The following KPNA3 variants were observed in gnomAD, a reference collection of about 807,000 sequenced individuals.
KPNA3 encodes the protein karyopherin subunit alpha 3.
Under a neutral mutation model 73.8 loss-of-function variants are expected in KPNA3, and 13 were observed. The observed-to-expected ratio is 0.18, with a 90% CI of 0.11 to 0.28. The LOEUF (loss-of-function observed/expected upper bound fraction) is 0.28. Ranked by LOEUF, KPNA3 falls within the 10% of genes least tolerant of loss-of-function variation. The pLI is 1.00. For synonymous variants in KPNA3, 186 were observed against 206.9 expected, an observed-to-expected ratio of 0.90 and a Z score of 0.87; for missense variants, 360 against 618.1, an observed-to-expected ratio of 0.58 and a Z score of 4.43.
intron 2 of KPNA3, among the ~76,000 whole-genome samples, chr13:49,735,250 A>G (rs1165877659): frequency 6.6e-6 from 1 of 152,034 alleles, no homozygotes; most frequent in African/African-American, 2.4e-5. Flanking sequence ...AGCCTCCTGA[A>G]TAGCTGGGAT....
chr13:49,717,617 T>C (rs1566336501), intron 10 of KPNA3, among the ~76,000 whole-genome samples: 1 of 152,174 alleles, frequency 6.6e-6, no homozygotes, highest in Non-Finnish European at 1.5e-5. Context: ...ATCCTAGTTA[T>C]ATGACATGAG....
chr13:49,706,017 C>CGT lies in KPNA3; in HGVS notation c.1209+80_1209+81insAC, dbSNP rs1461483985. 3 of 1,263,028 alleles carry CGT rather than the reference C, an allele frequency of 2.4e-6. No individual in the cohort carries two copies. The African/African-American group carries it at 4.5e-5, about 19-fold the overall frequency. The allele number at this position is 1,263,028 out of a possible 1,614,324, so 78.2% of individuals were successfully genotyped here. ...TCTTTTCCCCAAAAAGAACACAATACAGTCAGCAACTACGAAACATAAGAG... is the reference window on the plus strand; with the variant it reads ...TCTTTTCCCCAAAAAGAACACAATACGTAGTCAGCAACTACGAAACATAAGAG... On this transcript the variant is annotated intron_variant, in intron 14 of 16. Coordinates refer to ENST00000261667, the MANE Select transcript of KPNA3 (RefSeq NM_002267.4).
intron 10 of KPNA3, among the ~76,000 whole-genome samples, chr13:49,718,031 ATG>A (rs1954321509): frequency 1.3e-5 from 2 of 152,042 alleles, no homozygotes; most frequent in Admixed American, 6.6e-5. Flanking sequence ...TATACTGAAT[ATG>A]TGATCATGGT....
At chr13:49,762,071 A>T (rs1160615665) in intron 1 of KPNA3, among the ~76,000 whole-genome samples, 1 of 145,906 alleles carries the variant, frequency 6.9e-6, no homozygotes, top group East Asian at 2.0e-4. Flanking sequence ...AGTCAGGAGC[A>T]TCTCCGCCCG....
chr13:49,742,088 C>G (rs978829203), intron 2 of KPNA3, among the ~76,000 whole-genome samples: 1 of 152,088 alleles, frequency 6.6e-6, no homozygotes, highest in African/African-American at 2.4e-5. Context: ...AAATAAGGGC[C>G]TGGTCTCATT....
At chr13:49,732,229 A>T (rs1335635953) in intron 6 of KPNA3, 142 bp downstream of exon 6, 8 of 444,668 alleles carry the variant, frequency 1.8e-5, no homozygotes, top group Non-Finnish European at 3.3e-5. Flanking sequence ...ATATGATCAC[A>T]GAATAAGAAA....
rs1464980395 is a variant in KPNA3 at position 49,700,047 on chromosome 13, A to T, written c.*1753T>A. The T allele has an allele frequency of 6.6e-6, 1 of 152,632 alleles. No individual in the cohort carries two copies. The highest frequency in any genetic ancestry group is 1.5e-5 in the Non-Finnish European group (1 of 68,036). The allele number at this position is 152,632 out of a possible 1,614,324, so 9.5% of individuals were successfully genotyped here. On this transcript the variant is annotated 3_prime_UTR_variant, in exon 17 of 17. Transcript: ENST00000261667. ...TGATTCTAAAATTTATAAAACCTATAAATAATCAGAGGCCAAACCACTATA... is the reference window on the plus strand; with the variant it reads ...TGATTCTAAAATTTATAAAACCTATTAATAATCAGAGGCCAAACCACTATA...
At chr13:49,780,087 C>T (rs1407224370) in intron 1 of KPNA3, among the ~76,000 whole-genome samples, 1 of 152,114 alleles carries the variant, frequency 6.6e-6, no homozygotes, top group Non-Finnish European at 1.5e-5. Context: ...CCTACAATCC[C>T]TCACCTATAT....
At chr13:49,717,305 C>T (rs1168960102) in intron 10 of KPNA3, among the ~76,000 whole-genome samples, 1 of 152,068 alleles carries the variant, frequency 6.6e-6, no homozygotes, top group African/African-American at 2.4e-5. Context: ...GTGGCATGCA[C>T]TGTAATCCCA....
chr13:49,733,657 A>G (rs1954492905), intron 2 of KPNA3, among the ~76,000 whole-genome samples: 1 of 152,128 alleles, frequency 6.6e-6, no homozygotes, highest in South Asian at 2.1e-4. Flanking sequence ...TCCCCTTCCC[A>G]TATCCAGTCC....
At chr13:49,764,008 G>C (rs1053656156) in intron 1 of KPNA3, among the ~76,000 whole-genome samples, 3 of 150,276 alleles carry the variant, frequency 2.0e-5, no homozygotes, top group African/African-American at 7.4e-5. Context: ...TTGAGGCTGT[G>C]GTGAGCTGTG....
At chr13:49,732,325 T>TAAA in intron 6 of KPNA3, 46 bp downstream of exon 6, 1 of 958,122 alleles carries the variant, frequency 1.0e-6, no homozygotes, top group Non-Finnish European at 1.6e-6. Context: ...TCCAAACTTT[T>TAAA]AAGTTAACTG....
At chr13:49,757,507 T>C (rs535075095) in intron 1 of KPNA3, among the ~76,000 whole-genome samples, 126 of 152,320 alleles carry the variant, frequency 8.3e-4, no homozygotes, top group Admixed American at 2.2e-3. Flanking sequence ...GAAATCTTAT[T>C]ATACATCTAA....
At position 49,717,429 on chromosome 13, in the gene KPNA3, C is replaced by T. The variant is rs1438572270; in HGVS notation, c.771+2346G>A. On this transcript the variant is annotated intron_variant, in intron 10 of 16. Transcript: ENST00000261667. Reference sequence around the variant, plus strand: ...TGGGTGACAGAGCAAGACTCCATCTCGGAAAAAAAAGAAAAAAAAAAAAAA... The same window carrying T: ...TGGGTGACAGAGCAAGACTCCATCTTGGAAAAAAAAGAAAAAAAAAAAAAA... Among the ~76,000 whole-genome samples the T allele has an allele frequency of 6.8e-4, 26 of 38,450 alleles. No individual in the cohort carries two copies. In the Middle Eastern group the frequency reaches 0.048, roughly 72 times the overall value. 25.2% of individuals were successfully genotyped at this position (38,450 alleles called of 152,430 possible).
At chr13:49,769,062 G>A (rs1055148065) in intron 1 of KPNA3, among the ~76,000 whole-genome samples, 7 of 152,136 alleles carry the variant, frequency 4.6e-5, no homozygotes, top group Admixed American at 6.5e-5. Context: ...CCTCCAGTTT[G>A]TCTGCTTTTG....
At chr13:49,791,402 A>T (rs1594468598) in intron 1 of KPNA3, among the ~76,000 whole-genome samples, 1 of 152,234 alleles carries the variant, frequency 6.6e-6, no homozygotes, top group East Asian at 1.9e-4. Flanking sequence ...TGTTTTCAGT[A>T]GCTGCAGAGA....
At chr13:49,731,060 G>A (rs1954463950) in intron 6 of KPNA3, among the ~76,000 whole-genome samples, 1 of 151,328 alleles carries the variant, frequency 6.6e-6, no homozygotes, top group Non-Finnish European at 1.5e-5. Flanking sequence ...GACTACAGGT[G>A]TGAGCCACTG....
chr13:49,771,881 C>T (rs1954859116), intron 1 of KPNA3, among the ~76,000 whole-genome samples: 1 of 152,078 alleles, frequency 6.6e-6, no homozygotes, highest in Admixed American at 6.6e-5. Context: ...GTCTTGAATT[C>T]CTGGGCTCAG....
chr13:49,788,741 A>ATTTTTTTTT (rs1222157637), intron 1 of KPNA3, among the ~76,000 whole-genome samples: 1 of 123,844 alleles, frequency 8.1e-6, no homozygotes, highest in Admixed American at 8.0e-5. Flanking sequence ...TTTTTTTTAA[A>ATTTTTTTTT]AAAAAAAAGC....
Sources: gnomAD v4.1 joint callset for allele counts (sites outside exome capture counted in the v4.1 genomes callset) on GRCh38, gnomAD v4.1.1 for gene constraint, MANE v1.5 for transcripts, NCBI Gene and HGNC (gene_info 2026-07-23, HGNC 2026-07-21) for gene names.